STAU2: variants seen among roughly 807,000 people sequenced by gnomAD.
STAU2 encodes double-stranded RNA-binding protein Staufen homolog 2.
A neutral mutation model predicts 65.9 loss-of-function variants in STAU2; 20 were observed. The observed-to-expected ratio is 0.30, with a 90% CI of 0.21 to 0.44. The LOEUF is 0.44. Ranked by LOEUF, STAU2 falls within the 20% of genes least tolerant of loss-of-function variation. The pLI, the probability that STAU2 is intolerant of heterozygous loss-of-function variation, is 1.00. For missense variants in STAU2, 558 were observed against 683.9 expected, an observed-to-expected ratio of 0.82 and a Z score of 2.05; for synonymous variants, 232 against 233.9, an observed-to-expected ratio of 0.99 and a Z score of 0.07.
At chr8:73,483,518 T>C (rs1394422279) in intron 13 of STAU2, among the ~76,000 whole-genome samples, 2 of 110,056 alleles carry the variant, frequency 1.8e-5, no homozygotes, top group African/African-American at 6.3e-5. Flanking sequence ...ACTATTACCT[T>C]AACATTTAAG....
chr8:73,716,091 CTTT>C (rs376161218), intron 3 of STAU2, among the ~76,000 whole-genome samples: 4 of 125,298 alleles, frequency 3.2e-5, no homozygotes, highest in African/African-American at 8.8e-5. Flanking sequence ...ATTTTTTTTT[CTTT>C]TTTTTTTTTT....
intron 13 of STAU2, among the ~76,000 whole-genome samples, chr8:73,459,680 C>A (rs1819245426): frequency 6.6e-6 from 1 of 152,178 alleles, no homozygotes; most frequent in Non-Finnish European, 1.5e-5. Context: ...CGCAGCTCCG[C>A]CTCCACATAT....
At chr8:73,668,850 T>C in intron 6 of STAU2, 1 of 469,834 alleles carries the variant, frequency 2.1e-6, no homozygotes, top group South Asian at 4.7e-5. Context: ...TCTTAGGCCT[T>C]TGAATAAGTT....
chr8:73,595,225 C>A lies in STAU2; in HGVS notation c.1102G>T (p.Ala368Ser), dbSNP rs760691421. The A allele has an allele frequency of 6.8e-6, 11 of 1,611,892 alleles. No homozygotes were observed. In the Admixed American group the frequency reaches 1.8e-4, roughly 27 times the overall value. ...KKIAKKNAAE[A>S]MLLQLGYKAS... Reference sequence around the variant, plus strand: ...TTATAACCAAGTTGTAACAGCATTGCTTCTGCAGCATTTTTTTTGGCTATC... The same window carrying A: ...TTATAACCAAGTTGTAACAGCATTGATTCTGCAGCATTTTTTTTGGCTATC... The change falls in exon 11 of 15, where the codon GCA (alanine) becomes TCA (serine). Residue 368 changes from alanine to serine, a missense_variant. Coordinates refer to ENST00000524300, the MANE Select transcript of STAU2 (RefSeq NM_001164380.2).
intron 12 of STAU2, among the ~76,000 whole-genome samples, chr8:73,567,451 G>A (rs539777116): frequency 2.8e-4 from 42 of 151,916 alleles, no homozygotes; most frequent in Non-Finnish European, 5.6e-4. Context: ...AGGTGGCAGT[G>A]AGCCAAGATT....
intron 6 of STAU2, among the ~76,000 whole-genome samples, chr8:73,640,591 T>C (rs1459013136): frequency 6.6e-6 from 1 of 151,688 alleles, no homozygotes; most frequent in Non-Finnish European, 1.5e-5. Context: ...CCAATAAAAT[T>C]TTGTTTTTAT....
intron 13 of STAU2, among the ~76,000 whole-genome samples, chr8:73,467,051 G>A (rs1301429988): frequency 2.0e-5 from 3 of 152,182 alleles, no homozygotes; most frequent in Non-Finnish European, 4.4e-5. Flanking sequence ...GAAATGTTGA[G>A]TTCCTATAGA....
intron 12 of STAU2, among the ~76,000 whole-genome samples, chr8:73,577,383 C>A (rs537750535): frequency 6.7e-6 from 1 of 150,080 alleles, no homozygotes; most frequent in South Asian, 2.1e-4. Flanking sequence ...GCCAAGATTG[C>A]GCCACTGCAC....
chr8:73,461,351 A>G (rs969416482), intron 13 of STAU2, among the ~76,000 whole-genome samples: 2 of 152,146 alleles, frequency 1.3e-5, no homozygotes, highest in Non-Finnish European at 2.9e-5. Context: ...AGTAAGGGCT[A>G]GTTTCAAAGG....
At chr8:73,659,583 T>G (rs111500960) in intron 6 of STAU2, among the ~76,000 whole-genome samples, 1,953 of 152,060 alleles carry the variant, frequency 0.013, 46 homozygotes, top group African/African-American at 0.044. Flanking sequence ...GTACCCAGAT[T>G]TTTTTTTAAA....
intron 13 of STAU2, among the ~76,000 whole-genome samples, chr8:73,513,366 G>A (rs561777976): frequency 1.7e-4 from 26 of 152,210 alleles, no homozygotes; most frequent in South Asian, 4.2e-4. Flanking sequence ...GTAATTAGTC[G>A]GTGGTTATGC....
At chr8:73,644,564 A>T (rs1441417889) in intron 6 of STAU2, among the ~76,000 whole-genome samples, 1 of 152,184 alleles carries the variant, frequency 6.6e-6, no homozygotes, top group Non-Finnish European at 1.5e-5. Flanking sequence ...AGGGGAAAGT[A>T]AATCTAAAGA....
At chr8:73,456,698 G>T (rs1819091593) in intron 13 of STAU2, among the ~76,000 whole-genome samples, 1 of 152,138 alleles carries the variant, frequency 6.6e-6, no homozygotes, top group East Asian at 1.9e-4. Context: ...TTCCTATGTG[G>T]GTTACTGGAG....
chr8:73,639,377 C>T (rs964572701), intron 6 of STAU2, among the ~76,000 whole-genome samples: 2 of 152,030 alleles, frequency 1.3e-5, no homozygotes, highest in African/African-American at 2.4e-5. Flanking sequence ...GGACATGATC[C>T]TAGTTTCATT....
intron 13 of STAU2, among the ~76,000 whole-genome samples, chr8:73,444,825 TC>T (rs1818382034): frequency 6.6e-6 from 1 of 152,158 alleles, no homozygotes; most frequent in Non-Finnish European, 1.5e-5. Flanking sequence ...TGCATTTTTC[TC>T]CCCTCCTCAA....
chr8:73,735,615 C>T (rs1453872800), intron 3 of STAU2, among the ~76,000 whole-genome samples: 1 of 152,170 alleles, frequency 6.6e-6, no homozygotes, highest in Non-Finnish European at 1.5e-5. Flanking sequence ...CTAAAAAAAT[C>T]TGAAATCCAA....
At chr8:73,731,525 C>T (rs1306147867) in intron 3 of STAU2, among the ~76,000 whole-genome samples, 1 of 152,140 alleles carries the variant, frequency 6.6e-6, no homozygotes, top group Non-Finnish European at 1.5e-5. Context: ...CAGTCTGGTG[C>T]TGCCTGTCAT....
At chr8:73,689,825 G>A (rs116884237) in intron 4 of STAU2, among the ~76,000 whole-genome samples, 244 of 152,084 alleles carry the variant, frequency 1.6e-3, no homozygotes, top group Non-Finnish European at 3.1e-3. Context: ...ACAAATTGAC[G>A]TCATGTGCCC....
intron 12 of STAU2, among the ~76,000 whole-genome samples, chr8:73,560,523 A>T (rs1311709320): frequency 6.6e-6 from 1 of 152,184 alleles, no homozygotes; most frequent in Non-Finnish European, 1.5e-5. Flanking sequence ...GCTACATTTA[A>T]CATAATGATG....
Sources: allele counts gnomAD v4.1 joint callset (sites outside exome capture counted in the v4.1 genomes callset), GRCh38; gene constraint gnomAD v4.1.1; transcripts MANE v1.5; gene names NCBI Gene and HGNC (gene_info 2026-07-23, HGNC 2026-07-21).